Variants in FUT9 observed in about 807,000 individuals in gnomAD.
The protein encoded by FUT9 is fucosyltransferase 9.
FUT9 carries 15 observed loss-of-function variants against 29.7 expected under a neutral mutation model. That is an observed-to-expected ratio of 0.51 (90% CI 0.34 to 0.78). FUT9 has a LOEUF of 0.78. Ranked by LOEUF, FUT9 falls within the 30% of genes least tolerant of loss-of-function variation. The pLI, the probability that FUT9 is intolerant of heterozygous loss-of-function variation, is 0.01. For missense variants in FUT9, 319 were observed against 425.4 expected (o/e 0.75, Z 2.20); for synonymous variants, 169 against 153.7 (o/e 1.10, Z -0.74).
At chr6:96,109,833 T>G (rs1245094949) in intron 1 of FUT9, among the ~76,000 whole-genome samples, 1 of 152,120 alleles carries the variant, frequency 6.6e-6, no homozygotes, top group Non-Finnish European at 1.5e-5. Context: ...AAAGTCTAAC[T>G]CTTTACAATG....
chr6:96,144,958 G>A (rs1772537193), intron 2 of FUT9, among the ~76,000 whole-genome samples: 1 of 152,038 alleles, frequency 6.6e-6, no homozygotes, highest in Non-Finnish European at 1.5e-5. Context: ...CTTAAGAACT[G>A]TATTCATTCT....
intron 1 of FUT9, among the ~76,000 whole-genome samples, chr6:96,107,423 C>T (rs1398238499): frequency 6.6e-6 from 1 of 152,032 alleles, no homozygotes; most frequent in Non-Finnish European, 1.5e-5. Context: ...TCATTTTCTC[C>T]AATCTTTGAA....
At chr6:96,146,245 CTG>C (rs1772565302) in intron 2 of FUT9, among the ~76,000 whole-genome samples, 1 of 152,154 alleles carries the variant, frequency 6.6e-6, no homozygotes, top group South Asian at 2.1e-4. Flanking sequence ...AGGGGCTACT[CTG>C]GGCCATGCAG....
At chr6:96,090,294 A>G (rs908925463) in intron 1 of FUT9, among the ~76,000 whole-genome samples, 1 of 150,712 alleles carries the variant, frequency 6.6e-6, no homozygotes, top group African/African-American at 2.5e-5. Context: ...TTGTAAAGTC[A>G]ATTGTTTATG....
chr6:96,183,024 T>A (rs960443402), intron 2 of FUT9, among the ~76,000 whole-genome samples: 1 of 152,112 alleles, frequency 6.6e-6, no homozygotes, highest in Non-Finnish European at 1.5e-5. Flanking sequence ...TTAAATTGTT[T>A]TTGGCAGTAT....
intron 1 of FUT9, among the ~76,000 whole-genome samples, chr6:96,091,369 A>G (rs992766442): frequency 6.6e-6 from 1 of 152,124 alleles, no homozygotes; most frequent in Non-Finnish European, 1.5e-5. Flanking sequence ...AAGAACTCAT[A>G]AATTCATTGG....
chr6:96,051,575 C>G (rs962001348), intron 1 of FUT9, among the ~76,000 whole-genome samples: 1 of 151,908 alleles, frequency 6.6e-6, no homozygotes, highest in Non-Finnish European at 1.5e-5. Context: ...ATTGTTTGAG[C>G]CCAGGAAGTC....
intron 2 of FUT9, among the ~76,000 whole-genome samples, chr6:96,198,944 TAG>T (rs1434629594): frequency 2.0e-5 from 3 of 150,212 alleles, no homozygotes; most frequent in Admixed American, 6.7e-5. Flanking sequence ...TCGTGTCCAG[TAG>T]AGTGTTCTTA....
At chr6:96,198,688 G>A (rs1327912305) in intron 2 of FUT9, among the ~76,000 whole-genome samples, 3 of 152,128 alleles carry the variant, frequency 2.0e-5, no homozygotes, top group Non-Finnish European at 2.9e-5. Context: ...CTGAGGAATC[G>A]CCACACTGAC....
chr6:96,197,970 G>A (rs1004619812), intron 2 of FUT9, among the ~76,000 whole-genome samples: 2 of 152,102 alleles, frequency 1.3e-5, no homozygotes, highest in African/African-American at 4.8e-5. Flanking sequence ...TCTCCATGAG[G>A]GAGCCTCCTG....
chr6:96,134,930 A>G (rs1418115737), intron 2 of FUT9, among the ~76,000 whole-genome samples: 1 of 151,894 alleles, frequency 6.6e-6, no homozygotes, highest in Non-Finnish European at 1.5e-5. Flanking sequence ...ACCAACTTCA[A>G]TGTATTTGTC....
intron 2 of FUT9, among the ~76,000 whole-genome samples, chr6:96,170,549 C>T (rs1274797561): frequency 9.6e-5 from 1 of 10,408 alleles, no homozygotes; most frequent in East Asian, 0.1. Context: ...ATCCCTTTCA[C>T]ACACACACAC....
intron 1 of FUT9, among the ~76,000 whole-genome samples, chr6:96,030,785 T>C (rs1770247595): frequency 6.6e-6 from 1 of 151,506 alleles, no homozygotes; most frequent in Admixed American, 6.6e-5. Context: ...AATGACATAC[T>C]ACTTAGCAAT....
chr6:96,134,732 A>G (rs1772315791), intron 2 of FUT9, among the ~76,000 whole-genome samples: 1 of 151,928 alleles, frequency 6.6e-6, no homozygotes. Context: ...ATAATTTTCC[A>G]AAAGTCCACA....
chr6:96,109,154 A>T (rs1444315519), intron 1 of FUT9, among the ~76,000 whole-genome samples: 1 of 152,240 alleles, frequency 6.6e-6, no homozygotes, highest in East Asian at 1.9e-4. Flanking sequence ...ATTTTTCAAA[A>T]TTCAATGTCC....
At chr6:96,060,380 A>G (rs2127943386) in intron 1 of FUT9, among the ~76,000 whole-genome samples, 1 of 152,386 alleles carries the variant, frequency 6.6e-6, no homozygotes, top group African/African-American at 2.4e-5. Flanking sequence ...ATTTATAACC[A>G]TTAAATACAG....
chr6:96,074,368 C>T (rs1468895183), intron 1 of FUT9, among the ~76,000 whole-genome samples: 1 of 152,092 alleles, frequency 6.6e-6, no homozygotes, highest in South Asian at 2.1e-4. Flanking sequence ...GGGAAGAAAG[C>T]AAATGGTATA....
intron 2 of FUT9, among the ~76,000 whole-genome samples, chr6:96,192,833 T>C (rs1318180669): frequency 1.3e-5 from 2 of 152,156 alleles, no homozygotes; most frequent in East Asian, 1.9e-4. Context: ...CAAAACAGCA[T>C]GGTACTGGTA....
intron 2 of FUT9, among the ~76,000 whole-genome samples, chr6:96,162,317 TATGTC>T (rs1365774786): frequency 6.6e-6 from 1 of 152,198 alleles, no homozygotes; most frequent in Admixed American, 6.5e-5. Context: ...TTTCAGTAGG[TATGTC>T]ATGTGTCAAA....
Sources: gnomAD v4.1 joint callset for allele counts (sites outside exome capture counted in the v4.1 genomes callset) on GRCh38, gnomAD v4.1.1 for gene constraint, MANE v1.5 for transcripts, NCBI Gene and HGNC (gene_info 2026-07-23, HGNC 2026-07-21) for gene names.